ATR: variants seen among roughly 807,000 people sequenced by gnomAD.
ATR encodes the protein ATR checkpoint kinase, also known as serine/threonine-protein kinase ATR.
In ATR, 142 loss-of-function variants were observed where a neutral mutation model predicts 305.3. The observed-to-expected ratio is 0.47, with a 90% CI of 0.41 to 0.53. ATR has a LOEUF of 0.53. Among genes scored for constraint, ATR ranks in the 20% least tolerant of loss-of-function variants. The pLI is 0.00. For synonymous variants in ATR, 1,050 were observed against 1,068.1 expected (o/e 0.98, Z 0.33); for missense variants, 2,135 against 3,133.1 (o/e 0.68, Z 7.60).
chr3:142,569,617 C>T (rs369450402), intron 1 of ATR, among the ~76,000 whole-genome samples: 1 of 151,856 alleles, frequency 6.6e-6, no homozygotes, highest in East Asian at 1.9e-4. Flanking sequence ...TCACCATGCC[C>T]AACTGTGTTT....
At chr3:142,566,370 G>A in intron 2 of ATR, 109 bp from the exon 3 acceptor site, 1 of 1,247,218 alleles carries the variant, frequency 8.0e-7, no homozygotes, top group Non-Finnish European at 1.1e-6. Context: ...TGTAACCCCT[G>A]TACTTTGGGA....
rs2108462253 is a variant in ATR, at chr3:142,553,298, T to G, written c.2734A>C (p.Arg912=). Residue 912 remains arginine (R), a synonymous_variant, in exon 13 of 47, where the codon AGA becomes CGA. Coordinates refer to ENST00000350721, the MANE Select transcript of ATR (RefSeq NM_001184.4). ...ACACTTTTAGCTGCAACCAGAGCTC[T>G]AATTTCTGTGTATGCTGCTCCAGAG... ...SVSGAAYTEI[R]ALVAAKSVKL... 6.2e-7 allele frequency: 1 copy of G among 1,614,156 alleles called. No homozygotes were observed.
At chr3:142,536,814 T>C (rs1300589706) in intron 19 of ATR, among the ~76,000 whole-genome samples, 3 of 152,168 alleles carry the variant, frequency 2.0e-5, no homozygotes, top group African/African-American at 7.2e-5. Flanking sequence ...TTTAAGATAC[T>C]AGGTTTTGGA....
At chr3:142,556,676 A>G (rs2034686069) in intron 8 of ATR, 101 bp from the exon 9 acceptor site, 1 of 1,102,784 alleles carries the variant, frequency 9.1e-7, no homozygotes, top group Admixed American at 2.8e-5. Flanking sequence ...GTATACATAT[A>G]TATAAATAAA....
rs142001270 is a variant in ATR at position 142,492,151 on chromosome 3, G to A, written c.6078+981C>T. On this transcript the variant is annotated intron_variant, in intron 35 of 46. Transcript: ENST00000350721. ...GCTTGTTTTACTGCCCTTCTAGTAT[G>A]GATATAGAGTAGTTTTTAGCCTAGG... 2.6e-5 allele frequency among the ~76,000 whole-genome samples: 4 copies of A among 152,224 alleles called. No individual in the cohort carries two copies. In the East Asian group the frequency reaches 7.7e-4, roughly 29 times the overall value.
At chr3:142,544,294 C>CA (rs1428393703) in intron 16 of ATR, among the ~76,000 whole-genome samples, 2 of 149,710 alleles carry the variant, frequency 1.3e-5, no homozygotes, top group Non-Finnish European at 3.0e-5. Context: ...CCCATCTCTA[C>CA]AAAAAAAATT....
At chr3:142,484,319 T>A (rs2030760200) in intron 36 of ATR, among the ~76,000 whole-genome samples, 1 of 152,190 alleles carries the variant, frequency 6.6e-6, no homozygotes, top group African/African-American at 2.4e-5. Flanking sequence ...TTCTACATGG[T>A]TGTCAATCAT....
In ATR at chr3:142,562,265, A is replaced by G. The variant is rs1464757433; in HGVS notation, c.1137T>C (p.Leu379=). The part of the protein sequence containing the change: ...KVYVRNICKA[L]LDVLGIEVDA... ...CTACCTCAATTCCAAGCACATCCAA[A>G]AGAGCTTTACAAATATTTCTCACAT... Residue 379 remains leucine (L), a synonymous_variant, in exon 4 of 47, where the codon CTT becomes CTC. Coordinates refer to ENST00000350721, the MANE Select transcript of ATR (RefSeq NM_001184.4). 1.2e-6 allele frequency: 2 copies of G among 1,613,988 alleles called. No individual in the cohort carries two copies. The highest frequency in any genetic ancestry group is 2.7e-5 in the African/African-American group (2 of 74,926).
chr3:142,572,056 G>C (rs892432741), intron 1 of ATR, among the ~76,000 whole-genome samples: 2 of 147,682 alleles, frequency 1.4e-5, no homozygotes. Flanking sequence ...GTGAGCCACC[G>C]CACCCGGCCC....
At chr3:142,465,272 G>T (rs555408965) in intron 40 of ATR, 32 bp from the exon 41 acceptor site, 53 of 1,582,852 alleles carry the variant, frequency 3.3e-5, no homozygotes, top group Non-Finnish European at 4.4e-5. Context: ...ATGAATTAGG[G>T]CCAAAAATTT....
chr3:142,562,245 T>C lies in ATR; in HGVS notation c.1157A>G (p.Glu386Gly). 1.9e-6 allele frequency: 3 copies of C among 1,614,098 alleles called. No homozygotes were observed. Among genetic ancestry groups the C allele is most frequent in the South Asian group, 2.2e-5 (2 of 91,084 alleles). Residue 386 changes from glutamate (E) to glycine (G), a missense_variant, in exon 4 of 47, where the codon GAG (glutamate) becomes GGG (glycine). Physicochemically the swap from Glu to Gly is moderately conservative, Grantham distance 98. This residue lies in a region of ATR where 744 missense variants were observed against 873.2 expected (regional missense o/e 0.85). Transcript: ENST00000350721. The stretch of plus-strand genomic sequence containing the variant: ...AAAATTACTTACCTCTGCATCTACC[T>C]CAATTCCAAGCACATCCAAAAGAGC... ...CKALLDVLGI[E>G]VDAEYLLGPL...
chr3:142,482,817 G>A (rs1202437054), intron 36 of ATR, among the ~76,000 whole-genome samples: 1 of 149,376 alleles, frequency 6.7e-6, no homozygotes, highest in Non-Finnish European at 1.5e-5. Flanking sequence ...CAGTGACAGA[G>A]TGATACTTTG....
rs1216833866 is a variant in ATR at position 142,553,394 on chromosome 3, CG to C, written c.2637del (p.Ala880GlnfsTer59). 1 of 1,612,782 alleles carries C rather than the reference CG, an allele frequency of 6.2e-7. No individual in the cohort carries two copies. Among genetic ancestry groups the C allele is most frequent in the Non-Finnish European group, 8.5e-7 (1 of 1,179,478 alleles). The part of the protein sequence containing the change: ...LILTTGDIGR[A>X]AKGDLVPFAL... ...GCAAATGGTACCAAATCTCCTTTTG[CG>C]GCCCTAAAATTAAAAACAACATACA... On this transcript the variant is annotated frameshift_variant, in exon 13 of 47. Coordinates refer to ENST00000350721, the MANE Select transcript of ATR (RefSeq NM_001184.4). LOFTEE classifies it high-confidence loss of function.
intron 36 of ATR, among the ~76,000 whole-genome samples, chr3:142,473,915 T>C (rs984875249): frequency 1.7e-4 from 25 of 151,434 alleles, no homozygotes; most frequent in African/African-American, 5.6e-4. Flanking sequence ...GATTTTTTTT[T>C]CTACTTCTGT....
intron 13 of ATR, 117 bp downstream of exon 13, chr3:142,553,110 A>C (rs1467069700): frequency 7.6e-7 from 1 of 1,324,484 alleles, no homozygotes; most frequent in Non-Finnish European, 1.0e-6. Context: ...AACTTAAAAT[A>C]TAAATTGAAG....
intron 1 of ATR, 77 bp downstream of exon 1, chr3:142,578,569 G>A (rs949586541): frequency 2.0e-6 from 3 of 1,489,088 alleles, no homozygotes; most frequent in Middle Eastern, 1.7e-4. Context: ...TAGCGCAGCA[G>A]GGGAGGGGAG....
chr3:142,544,452 C>CAAAAAAAAA lies in ATR; in HGVS notation c.3358-1704_3358-1696dup, dbSNP rs57120276. Among the ~76,000 whole-genome samples, 23 of 18,974 alleles carry CAAAAAAAAA rather than the reference C, an allele frequency of 1.2e-3. 2 individuals carry two copies. Among genetic ancestry groups the CAAAAAAAAA allele is most frequent in the African/African-American group, 1.4e-3 (9 of 6,214 alleles). The allele number at this position is 18,974 out of a possible 152,430, so 12.4% of individuals were successfully genotyped here. On this transcript the variant is annotated intron_variant, in intron 16 of 46. Coordinates refer to ENST00000350721, the MANE Select transcript of ATR (RefSeq NM_001184.4). ...GGGTGACAGAGCAAAATCCTGCCTCCAAAAAAAAAAAAAAAAAAAAAAAAA... is the reference window on the plus strand; with the variant it reads ...GGGTGACAGAGCAAAATCCTGCCTCCAAAAAAAAAAAAAAAAAAAAAAAAAAAAAAAAAA...
intron 34 of ATR, among the ~76,000 whole-genome samples, chr3:142,495,820 T>C (rs1193140118): frequency 1.3e-5 from 2 of 152,000 alleles, no homozygotes; most frequent in Admixed American, 1.3e-4. Flanking sequence ...TTCCAATGTT[T>C]AAAAAACCCC....
At chr3:142,488,112 G>C (rs1172869403) in intron 35 of ATR, among the ~76,000 whole-genome samples, 3 of 152,112 alleles carry the variant, frequency 2.0e-5, no homozygotes, top group African/African-American at 7.2e-5. Context: ...GAGGGTGAGG[G>C]GGAGAGTGAG....
Sources: gnomAD v4.1 joint callset for allele counts (sites outside exome capture counted in the v4.1 genomes callset) on GRCh38, gnomAD v4.1.1 for gene constraint, gnomAD v4.1.1 regional missense constraint, MANE v1.5 for transcripts, NCBI Gene and HGNC (gene_info 2026-07-23, HGNC 2026-07-21) for gene names.